Variants in NRXN3 observed in about 807,000 individuals in gnomAD.
NRXN3 encodes the protein neurexin 3.
Under a neutral mutation model 137.6 loss-of-function variants are expected in NRXN3, and 32 were observed. That is an observed-to-expected ratio of 0.23 (90% CI 0.18 to 0.31). NRXN3 has a LOEUF of 0.31. Among genes scored for constraint, NRXN3 ranks in the 10% least tolerant of loss-of-function variants. NRXN3 has a pLI of 1.00. For missense variants in NRXN3, 1,574 were observed against 2,062.5 expected (o/e 0.76, Z 4.59); for synonymous variants, 798 against 784.5 (o/e 1.02, Z -0.29).
intron 14 of NRXN3, among the ~76,000 whole-genome samples, chr14:78,969,813 T>TTG (rs2099430415): frequency 1.6e-5 from 2 of 128,524 alleles, no homozygotes; most frequent in Non-Finnish European, 3.2e-5. Context: ...TTGTACTATG[T>TTG]AGTGTGTGTG....
intron 4 of NRXN3, among the ~76,000 whole-genome samples, chr14:78,595,931 G>A (rs34905855): frequency 0.024 from 3,590 of 152,220 alleles, 52 homozygotes; most frequent in African/African-American, 0.027. Flanking sequence ...AGACCCCAAG[G>A]GGACAATTCG....
At chr14:79,505,035 C>T (rs1489087377) in intron 16 of NRXN3, among the ~76,000 whole-genome samples, 3 of 151,850 alleles carry the variant, frequency 2.0e-5, no homozygotes, top group Non-Finnish European at 4.4e-5. Context: ...AACAACATGG[C>T]GAAAGCCCAT....
rs1011337322 is a variant in NRXN3, at chr14:79,063,131, T to G, written c.3262+74990T>G. On this transcript the variant is annotated intron_variant, in intron 15 of 20. Transcript: ENST00000335750. ...TTTGTTTCTATTGAATAGATTTTGG[T>G]TTGAATGACAAATTAAACTCCCAGC... Among the ~76,000 whole-genome samples, 6 of 152,282 alleles carry G rather than the reference T, an allele frequency of 3.9e-5. No individual in the cohort carries two copies. In the South Asian group the frequency reaches 1.2e-3, roughly 32 times the overall value.
At chr14:79,398,001 C>A (rs926799955) in intron 15 of NRXN3, among the ~76,000 whole-genome samples, 1 of 152,120 alleles carries the variant, frequency 6.6e-6, no homozygotes. Flanking sequence ...AAAAAAGGAC[C>A]CTGAGATCAT....
chr14:78,523,830 A>AAAAAAAAAAAAAAAAAAAAT (rs2096329728), intron 4 of NRXN3, among the ~76,000 whole-genome samples: 1 of 144,586 alleles, frequency 6.9e-6, no homozygotes, highest in South Asian at 2.2e-4. Flanking sequence ...AAAAAAAAAA[A>AAAAAAAAAAAAAAAAAAAAT]AAAAAAAAAA....
At position 78,803,694 on chromosome 14, in the gene NRXN3, G is replaced by C; in HGVS notation, c.2119G>C (p.Glu707Gln). 1 of 1,614,194 alleles carries C rather than the reference G, an allele frequency of 6.2e-7. No homozygotes were observed. Among genetic ancestry groups the C allele is most frequent in the Non-Finnish European group, 8.5e-7 (1 of 1,180,016 alleles). ...GCCCATGGTCATGCATACTGAGGCA[G>C]AGGATGTGTCCTTCCGCTTCATGTC... ...IMPMVMHTEA[E>Q]DVSFRFMSQR... The change falls in exon 9 of 21, where the codon GAG (glutamate) becomes CAG (glutamine). Residue 707 changes from glutamate (E) to glutamine (Q), a missense_variant. This residue lies in a region of NRXN3 where 718 missense variants were observed against 887.6 expected (regional missense o/e 0.81). Transcript: ENST00000335750.
At chr14:78,902,756 C>T (rs2099201061) in intron 10 of NRXN3, among the ~76,000 whole-genome samples, 1 of 151,784 alleles carries the variant, frequency 6.6e-6, no homozygotes, top group Non-Finnish European at 1.5e-5. Context: ...TACAGCTGCC[C>T]ACCTTGAATT....
At chr14:79,470,365 G>T (rs1439171323) in intron 16 of NRXN3, among the ~76,000 whole-genome samples, 4 of 152,124 alleles carry the variant, frequency 2.6e-5, no homozygotes, top group Non-Finnish European at 4.4e-5. Flanking sequence ...GGCAGGTCTG[G>T]TGTCTTGTGA....
intron 17 of NRXN3, among the ~76,000 whole-genome samples, chr14:79,680,940 T>C (rs1397986054): frequency 2.0e-5 from 3 of 152,132 alleles, no homozygotes. Context: ...CCCCACCTCA[T>C]TCCCTGCTCT....
chr14:79,728,223 T>C (rs544279737), intron 19 of NRXN3, among the ~76,000 whole-genome samples: 1 of 152,330 alleles, frequency 6.6e-6, no homozygotes, highest in African/African-American at 2.4e-5. Context: ...AAGCAGGATC[T>C]TTGTACGTTT....
At chr14:79,579,619 T>C (rs998413310) in intron 16 of NRXN3, among the ~76,000 whole-genome samples, 3 of 152,014 alleles carry the variant, frequency 2.0e-5, no homozygotes, top group African/African-American at 4.8e-5. Context: ...CTGTAGAAAT[T>C]GTTTAGAATT....
chr14:78,660,156 G>C (rs1255053364), intron 6 of NRXN3, among the ~76,000 whole-genome samples: 2 of 151,952 alleles, frequency 1.3e-5, no homozygotes, highest in Admixed American at 1.3e-4. Flanking sequence ...TCGGTGCTGT[G>C]ACAGACAGAG....
intron 15 of NRXN3, among the ~76,000 whole-genome samples, chr14:79,384,702 A>G (rs1480814956): frequency 5.9e-5 from 9 of 152,166 alleles, no homozygotes; most frequent in Non-Finnish European, 8.8e-5. Context: ...ACAGGTTTCA[A>G]TGCCTGACAC....
chr14:79,688,277 G>A (rs2098703247), intron 17 of NRXN3, among the ~76,000 whole-genome samples: 1 of 152,098 alleles, frequency 6.6e-6, no homozygotes. Context: ...GAGGCCAAGT[G>A]ACTTGCCCAC....
intron 4 of NRXN3, among the ~76,000 whole-genome samples, chr14:78,576,910 T>G (rs2096941849): frequency 6.6e-6 from 1 of 152,202 alleles, no homozygotes; most frequent in South Asian, 2.1e-4. Context: ...GGTATAAGAC[T>G]TCCTGGCTTT....
At chr14:79,706,998 G>A (rs1479151459) in intron 19 of NRXN3, among the ~76,000 whole-genome samples, 3 of 152,084 alleles carry the variant, frequency 2.0e-5, no homozygotes, top group East Asian at 1.9e-4. Flanking sequence ...GGTACCCTAC[G>A]GGTGGTGCTG....
At chr14:79,406,561 T>C (rs2197990) in intron 15 of NRXN3, among the ~76,000 whole-genome samples, 115,076 of 151,888 alleles carry the variant, frequency 0.76, 43,806 homozygotes, top group Middle Eastern at 0.87. Flanking sequence ...CCTCGGCCTC[T>C]TAAAGTGCTG....
At chr14:78,526,437 C>G (rs2096380884) in intron 4 of NRXN3, among the ~76,000 whole-genome samples, 1 of 152,154 alleles carries the variant, frequency 6.6e-6, no homozygotes, top group Non-Finnish European at 1.5e-5. Flanking sequence ...GATTTGGAGT[C>G]AGGAAAACTA....
chr14:79,698,469 A>G (rs2098743000), intron 19 of NRXN3, among the ~76,000 whole-genome samples: 1 of 152,036 alleles, frequency 6.6e-6, no homozygotes, highest in Non-Finnish European at 1.5e-5. Context: ...ATCCTGATTA[A>G]TCATGTGTCA....
Sources: gnomAD v4.1 joint callset for allele counts (sites outside exome capture counted in the v4.1 genomes callset) on GRCh38, gnomAD v4.1.1 for gene constraint, gnomAD v4.1.1 regional missense constraint, MANE v1.5 for transcripts, NCBI Gene and HGNC (gene_info 2026-07-23, HGNC 2026-07-21) for gene names.